The following TMEM132D variants were observed in gnomAD, a reference collection of about 807,000 sequenced individuals.
TMEM132D encodes the protein transmembrane protein 132D.
TMEM132D carries 21 observed loss-of-function variants against 62.3 expected under a neutral mutation model. That is an observed-to-expected ratio of 0.34 (90% CI 0.24 to 0.49). The LOEUF (loss-of-function observed/expected upper bound fraction) is 0.49. Ranked by LOEUF, TMEM132D falls within the 20% of genes least tolerant of loss-of-function variation. The probability of loss-of-function intolerance (pLI) is 0.99; values close to 1 mark genes in which losing one functional copy is unlikely to be tolerated. For synonymous variants in TMEM132D, 621 were observed against 575.6 expected (o/e 1.08, Z -1.13); for missense variants, 1,346 against 1,402.8 (o/e 0.96, Z 0.65).
At chr12:129,260,921 A>T (rs1457142443) in intron 4 of TMEM132D, among the ~76,000 whole-genome samples, 1 of 152,224 alleles carries the variant, frequency 6.6e-6, no homozygotes, top group African/African-American at 2.4e-5. Context: ...GTTGCTGGGC[A>T]CTGAGGTTAG....
At chr12:129,190,032 C>A (rs879576057) in intron 5 of TMEM132D, among the ~76,000 whole-genome samples, 10 of 151,784 alleles carry the variant, frequency 6.6e-5, no homozygotes, top group Non-Finnish European at 1.3e-4. Flanking sequence ...TGCAACACGG[C>A]TGGCGCTGAA....
intron 3 of TMEM132D, among the ~76,000 whole-genome samples, chr12:129,460,946 T>G (rs1593019618): frequency 6.6e-6 from 1 of 152,320 alleles, no homozygotes; most frequent in African/African-American, 2.4e-5. Context: ...AATGTGTGAC[T>G]GCACATCACT....
intron 2 of TMEM132D, among the ~76,000 whole-genome samples, chr12:129,605,587 T>TATATATATATATATATATATATATATA (rs1878594184): frequency 9.3e-6 from 1 of 107,368 alleles, no homozygotes; most frequent in African/African-American, 3.9e-5. Context: ...AAATTAGGCA[T>TATATATATATATATATATATATATATA]TATATATATA....
chr12:129,849,492 T>C (rs770467958), intron 1 of TMEM132D, among the ~76,000 whole-genome samples: 1 of 152,228 alleles, frequency 6.6e-6, no homozygotes, highest in African/African-American at 2.4e-5. Flanking sequence ...ATAATTGAAT[T>C]TGAATCTACT....
chr12:129,792,914 A>C (rs1379742201), intron 1 of TMEM132D, among the ~76,000 whole-genome samples: 1 of 152,152 alleles, frequency 6.6e-6, no homozygotes, highest in Non-Finnish European at 1.5e-5. Context: ...GCCACCCATA[A>C]TCCTACTACC....
chr12:129,413,960 C>T (rs1487381701), intron 3 of TMEM132D, among the ~76,000 whole-genome samples: 2 of 152,136 alleles, frequency 1.3e-5, no homozygotes, highest in Non-Finnish European at 2.9e-5. Flanking sequence ...AATATTTGAC[C>T]CTACTTCCAG....
At chr12:129,158,742 G>A (rs773483306) in intron 5 of TMEM132D, among the ~76,000 whole-genome samples, 6 of 152,180 alleles carry the variant, frequency 3.9e-5, no homozygotes, top group Non-Finnish European at 7.3e-5. Flanking sequence ...AAGAGGCAGT[G>A]ATCAACGGTA....
chr12:129,731,016 G>T (rs977085635), intron 1 of TMEM132D, among the ~76,000 whole-genome samples: 1 of 152,074 alleles, frequency 6.6e-6, no homozygotes, highest in Non-Finnish European at 1.5e-5. Context: ...AATAAAATCC[G>T]CTTTATATAT....
At chr12:129,892,597 C>T (rs368931550) in intron 1 of TMEM132D, among the ~76,000 whole-genome samples, 3 of 152,200 alleles carry the variant, frequency 2.0e-5, no homozygotes, top group African/African-American at 7.2e-5. Flanking sequence ...ACTTGCATAA[C>T]TGTAAAATTT....
chr12:129,131,476 G>A (rs1341809029), intron 5 of TMEM132D, among the ~76,000 whole-genome samples: 1 of 152,296 alleles, frequency 6.6e-6, no homozygotes, highest in Non-Finnish European at 1.5e-5. Context: ...GCATGGTGGT[G>A]CATGCCTGTA....
At chr12:129,203,461 C>T (rs1473690339) in intron 5 of TMEM132D, among the ~76,000 whole-genome samples, 1 of 152,228 alleles carries the variant, frequency 6.6e-6, no homozygotes, top group East Asian at 1.9e-4. Flanking sequence ...TCTGTGGGAA[C>T]TCAGCCAGTG....
chr12:129,881,940 G>A (rs1239286625), intron 1 of TMEM132D, among the ~76,000 whole-genome samples: 3 of 151,722 alleles, frequency 2.0e-5, no homozygotes, highest in African/African-American at 4.8e-5. Context: ...AATGAAACAG[G>A]GAATTATCGC....
At chr12:129,451,438 T>C (rs1455995713) in intron 3 of TMEM132D, among the ~76,000 whole-genome samples, 1 of 152,182 alleles carries the variant, frequency 6.6e-6, no homozygotes, top group African/African-American at 2.4e-5. Context: ...GAATGAGCAT[T>C]AGTTACAGTG....
At chr12:129,676,379 A>C (rs11060493) in intron 2 of TMEM132D, among the ~76,000 whole-genome samples, 9,391 of 152,188 alleles carry the variant, frequency 0.062, 396 homozygotes, top group Middle Eastern at 0.11. Context: ...TCTATCATCT[A>C]TCCATCTGTC....
chr12:129,717,095 T>C (rs372679743), intron 1 of TMEM132D, among the ~76,000 whole-genome samples: 6 of 152,254 alleles, frequency 3.9e-5, no homozygotes, highest in South Asian at 4.1e-4. Context: ...GACCAGAATG[T>C]AGACTGGCCC....
chr12:129,101,598 C>G (rs2135636138), intron 5 of TMEM132D, among the ~76,000 whole-genome samples: 1 of 152,356 alleles, frequency 6.6e-6, no homozygotes, highest in African/African-American at 2.4e-5. Flanking sequence ...GAGCTACACT[C>G]TACGTTTCCC....
Position 129,722,473 on chromosome 12 carries a change from G to A in TMEM132D, c.80-21775C>T, listed in dbSNP as rs7302188. 5.0e-3 allele frequency among the ~76,000 whole-genome samples: 766 copies of A among 152,262 alleles called. 3 individuals carry two copies. The highest frequency in any genetic ancestry group is 0.017 in the African/African-American group (711 of 41,548). On this transcript the variant is annotated intron_variant, in intron 1 of 8. Coordinates refer to ENST00000422113, the MANE Select transcript of TMEM132D (RefSeq NM_133448.3). ...AAGATGGGAGAAGGCGAAGAACACTGAACATCTTCTTGGAGATTACAGAAA... is the reference window on the plus strand; with the variant it reads ...AAGATGGGAGAAGGCGAAGAACACTAAACATCTTCTTGGAGATTACAGAAA...
chr12:129,657,523 G>A (rs873504), intron 2 of TMEM132D, among the ~76,000 whole-genome samples: 37,038 of 152,196 alleles, frequency 0.24, 4,965 homozygotes, highest in African/African-American at 0.35. Flanking sequence ...CCCCTTAACC[G>A]TCAGTCAAAT....
chr12:129,763,976 C>T (rs1052478304), intron 1 of TMEM132D, among the ~76,000 whole-genome samples: 5 of 152,184 alleles, frequency 3.3e-5, no homozygotes, highest in African/African-American at 4.8e-5. Flanking sequence ...AATCAGATCA[C>T]ACCTCGTTGC....
Sources: allele counts gnomAD v4.1 joint callset (sites outside exome capture counted in the v4.1 genomes callset), GRCh38; gene constraint gnomAD v4.1.1; transcripts MANE v1.5; gene names NCBI Gene and HGNC (gene_info 2026-07-23, HGNC 2026-07-21).